The following PPP1R12A variants were observed in gnomAD, a reference collection of about 807,000 sequenced individuals.
PPP1R12A encodes the protein protein phosphatase 1 regulatory subunit 12A.
In PPP1R12A, 19 loss-of-function variants were observed where a neutral mutation model predicts 139.6. The observed-to-expected ratio is 0.14, with a 90% CI of 0.09 to 0.20. The LOEUF is 0.20. Ranked by LOEUF, PPP1R12A falls within the 10% of genes least tolerant of loss-of-function variation. The pLI is 1.00. For missense variants in PPP1R12A, 925 were observed against 1,211.5 expected, an observed-to-expected ratio of 0.76 and a Z score of 3.51; for synonymous variants, 427 against 420.6, an observed-to-expected ratio of 1.02 and a Z score of -0.19.
chr12:79,933,339 C>G (rs994303710), intron 1 of PPP1R12A, among the ~76,000 whole-genome samples: 2 of 152,170 alleles, frequency 1.3e-5, no homozygotes, highest in Non-Finnish European at 2.9e-5. Flanking sequence ...TTAAAATGGT[C>G]ATCACTCCCT....
rs1407188783 is a variant in PPP1R12A at position 79,872,295 on chromosome 12, AGT to A, written c.368+511_368+512del. ...ATGCTTTAAAAAATCAGATGTTCTT[AGT>A]GTGTACCCACACATTAAAGGTAGTA... On this transcript the variant is annotated intron_variant, in intron 2 of 24. Coordinates refer to ENST00000450142, the MANE Select transcript of PPP1R12A (RefSeq NM_002480.3). Among the ~76,000 whole-genome samples the A allele has an allele frequency of 2.0e-5, 3 of 152,304 alleles. No individual in the cohort carries two copies. In the East Asian group the frequency reaches 5.8e-4, roughly 29 times the overall value.
intron 2 of PPP1R12A, among the ~76,000 whole-genome samples, chr12:79,867,772 A>G (rs1882135563): frequency 6.6e-6 from 1 of 152,156 alleles, no homozygotes; most frequent in South Asian, 2.1e-4. Context: ...GGTTACCCCT[A>G]TGCTTCTGTT....
intron 5 of PPP1R12A, among the ~76,000 whole-genome samples, chr12:79,824,792 C>T (rs1037464337): frequency 1.3e-5 from 2 of 151,954 alleles, no homozygotes; most frequent in African/African-American, 4.8e-5. Flanking sequence ...AGCAACCAGG[C>T]AACAAATGAG....
intron 3 of PPP1R12A, among the ~76,000 whole-genome samples, chr12:79,843,611 AATATAGATATAGATATAGATATAG>A (rs200027074): frequency 0.069 from 9,254 of 134,880 alleles, 568 homozygotes; most frequent in East Asian, 0.32. Flanking sequence ...CTCAAAAAAA[AATATAGATATAGATATAGATATAG>A]ATATAGATAT....
intron 9 of PPP1R12A, among the ~76,000 whole-genome samples, chr12:79,812,972 A>C (rs902865379): frequency 7.2e-5 from 11 of 152,130 alleles, no homozygotes; most frequent in Non-Finnish European, 1.3e-4. Context: ...GGGCAACTTC[A>C]ATGACTTTCT....
intron 1 of PPP1R12A, among the ~76,000 whole-genome samples, chr12:79,888,204 C>T (rs571092443): frequency 6.6e-6 from 1 of 152,136 alleles, no homozygotes; most frequent in East Asian, 1.9e-4. Context: ...AAACACACAA[C>T]AACAAAAAGA....
At chr12:79,929,240 T>TA (rs767104702) in intron 1 of PPP1R12A, among the ~76,000 whole-genome samples, 2 of 152,192 alleles carry the variant, frequency 1.3e-5, no homozygotes, top group South Asian at 2.1e-4. Context: ...TTTCAGGCAG[T>TA]AATGCTAGCT....
At chr12:79,821,189 G>A in intron 6 of PPP1R12A, 23 bp from the exon 7 acceptor site, 2 of 1,519,318 alleles carry the variant, frequency 1.3e-6, no homozygotes, top group Non-Finnish European at 9.1e-7. Flanking sequence ...TTATGCAAAG[G>A]AAAATAAGAA....
chr12:79,866,802 T>C (rs1882016686), intron 2 of PPP1R12A, among the ~76,000 whole-genome samples: 1 of 152,144 alleles, frequency 6.6e-6, no homozygotes, highest in African/African-American at 2.4e-5. Flanking sequence ...TGGCGATCAT[T>C]AAAAAGTTAG....
intron 1 of PPP1R12A, among the ~76,000 whole-genome samples, chr12:79,927,562 C>T (rs952958101): frequency 6.6e-6 from 1 of 152,122 alleles, no homozygotes; most frequent in African/African-American, 2.4e-5. Flanking sequence ...TACTAAACAC[C>T]ACCATAATGA....
intron 2 of PPP1R12A, among the ~76,000 whole-genome samples, chr12:79,861,361 G>C (rs1881289228): frequency 6.6e-6 from 1 of 152,130 alleles, no homozygotes; most frequent in South Asian, 2.1e-4. Flanking sequence ...GTCCAAATAG[G>C]AACAGTTCTG....
At chr12:79,920,225 C>T (rs962901447) in intron 1 of PPP1R12A, among the ~76,000 whole-genome samples, 4 of 152,136 alleles carry the variant, frequency 2.6e-5, no homozygotes, top group Non-Finnish European at 4.4e-5. Flanking sequence ...AATAATATTC[C>T]GCTGATTCCA....
chr12:79,889,023 G>T (rs901878140), intron 1 of PPP1R12A, among the ~76,000 whole-genome samples: 3 of 152,164 alleles, frequency 2.0e-5, no homozygotes, highest in African/African-American at 7.2e-5. Context: ...CTAAGTTCTG[G>T]TAAGTGTAAA....
chr12:79,897,330 G>A (rs1424209523), intron 1 of PPP1R12A, among the ~76,000 whole-genome samples: 1 of 152,156 alleles, frequency 6.6e-6, no homozygotes, highest in Non-Finnish European at 1.5e-5. Flanking sequence ...TAACTTATAA[G>A]TGTGAGCTAA....
upstream of PPP1R12A, chr12:79,935,445 A>G: frequency 3.0e-6 from 3 of 988,512 alleles, no homozygotes; most frequent in Non-Finnish European, 3.6e-6. Context: ...AAGGCTCTAC[A>G]GGGCAGATCT....
At chr12:79,933,903 C>T (rs759617830) in intron 1 of PPP1R12A, among the ~76,000 whole-genome samples, 17 of 152,046 alleles carry the variant, frequency 1.1e-4, no homozygotes, top group East Asian at 1.9e-4. Context: ...AAAAGAGTGT[C>T]CCCTATTTAT....
intron 1 of PPP1R12A, among the ~76,000 whole-genome samples, chr12:79,901,406 T>C (rs1379511087): frequency 2.0e-5 from 3 of 152,110 alleles, no homozygotes; most frequent in Non-Finnish European, 4.4e-5. Flanking sequence ...AAAGCCACTA[T>C]AAAAATGTAC....
In PPP1R12A at chr12:79,789,576, C is replaced by A. The variant is rs1033172376; in HGVS notation, c.2667-793G>T. The A allele has an allele frequency of 6.8e-6, 3 of 441,532 alleles. No individual in the cohort carries two copies. The Admixed American group carries it at 7.6e-5, about 11-fold the overall frequency. The allele number at this position is 441,532 out of a possible 1,614,324, so 27.4% of individuals were successfully genotyped here. On this transcript the variant is annotated intron_variant, in intron 20 of 24. Transcript: ENST00000450142. The stretch of plus-strand genomic sequence containing the variant: ...TGGTAAAGGAGAATTCTCTTATTAT[C>A]TGGTTCTGAAATTCAGGTTACCTTT...
At chr12:79,907,868 A>G (rs1280558422) in intron 1 of PPP1R12A, among the ~76,000 whole-genome samples, 1 of 152,212 alleles carries the variant, frequency 6.6e-6, no homozygotes, top group East Asian at 1.9e-4. Flanking sequence ...GCTGTACTCC[A>G]GGTTGGGAGA....
Sources: gnomAD v4.1 joint callset for allele counts (sites outside exome capture counted in the v4.1 genomes callset) on GRCh38, gnomAD v4.1.1 for gene constraint, MANE v1.5 for transcripts, NCBI Gene and HGNC (gene_info 2026-07-23, HGNC 2026-07-21) for gene names.